The following TEAD4 variants were observed in gnomAD, a reference collection of about 807,000 sequenced individuals.
TEAD4 encodes TEA domain transcription factor 4.
Under a neutral mutation model 52.4 loss-of-function variants are expected in TEAD4, and 36 were observed. The ratio of observed to expected loss-of-function variants is 0.69; its 90% confidence interval spans 0.53 to 0.91. TEAD4 has a LOEUF of 0.91. TEAD4 is among the 40% of genes least tolerant of loss of function. The pLI is 0.00. For missense variants in TEAD4, 508 were observed against 583.9 expected, an observed-to-expected ratio of 0.87 and a Z score of 1.34; for synonymous variants, 220 against 231.0, an observed-to-expected ratio of 0.95 and a Z score of 0.43.
At chr12:2,965,168 A>C (rs1032409567) in intron 2 of TEAD4, among the ~76,000 whole-genome samples, 6 of 151,894 alleles carry the variant, frequency 4.0e-5, no homozygotes, top group African/African-American at 1.5e-4. Context: ...TTTTTTAATG[A>C]TTTTTTATTT....
At chr12:3,035,897 A>G (rs117022923) in intron 10 of TEAD4, among the ~76,000 whole-genome samples, 12 of 151,688 alleles carry the variant, frequency 7.9e-5, no homozygotes, top group East Asian at 5.8e-4. Context: ...TTCACCTTAT[A>G]TTTGCCTGTA....
At position 3,021,895 on chromosome 12, in the gene TEAD4, G is replaced by A. The variant is rs1225713927; in HGVS notation, c.775G>A (p.Asp259Asn). The A allele has an allele frequency of 4.3e-6, 7 of 1,614,208 alleles. No individual in the cohort carries two copies. Among genetic ancestry groups the A allele is most frequent in the Admixed American group, 1.7e-5 (1 of 60,026 alleles). Reference sequence around the variant, plus strand: ...TGGCCAGTCCAGCCCAAGCTACAGCGACCCCTACCTCGAAGCCGTGGACAT... The same window carrying A: ...TGGCCAGTCCAGCCCAAGCTACAGCAACCCCTACCTCGAAGCCGTGGACAT... The change falls in exon 10 of 13, where the codon GAC (aspartate) becomes AAC (asparagine). Residue 259 changes from aspartate (D) to asparagine (N), a missense_variant. Physicochemically the swap from Asp to Asn is conservative, Grantham distance 23. Transcript: ENST00000359864.
At chr12:2,962,327 A>AAATATATATATAAATATATAAATATAT (rs1565518203) in intron 2 of TEAD4, among the ~76,000 whole-genome samples, 127 of 112,666 alleles carry the variant, frequency 1.1e-3, no homozygotes, top group African/African-American at 4.9e-3. Flanking sequence ...TATATATATA[A>AAATATATATATAAATATATAAATATAT]ATATAAATAT....
At chr12:2,964,494 G>T (rs1050602987) in intron 2 of TEAD4, among the ~76,000 whole-genome samples, 1 of 144,132 alleles carries the variant, frequency 6.9e-6, no homozygotes, top group Non-Finnish European at 1.5e-5. Context: ...TTTTGCTTTT[G>T]TTGCCCAGGC....
chr12:3,009,730 C>T (rs1333749554), intron 3 of TEAD4, among the ~76,000 whole-genome samples: 1 of 152,238 alleles, frequency 6.6e-6, no homozygotes, highest in Non-Finnish European at 1.5e-5. Flanking sequence ...GTTTCAGGTG[C>T]AGATCAGACC....
chr12:3,033,126 G>A (rs1434045861), intron 10 of TEAD4, among the ~76,000 whole-genome samples: 2 of 152,198 alleles, frequency 1.3e-5, no homozygotes, highest in Non-Finnish European at 2.9e-5. Context: ...GTGTGCTGGA[G>A]AGGCAATCAG....
chr12:3,019,649 A>T (rs1359822634), intron 8 of TEAD4, among the ~76,000 whole-genome samples: 1 of 152,110 alleles, frequency 6.6e-6, no homozygotes, highest in African/African-American at 2.4e-5. Context: ...TCTCACTGAC[A>T]GGCTCTGCTC....
intron 2 of TEAD4, among the ~76,000 whole-genome samples, chr12:2,990,487 T>TTTTTTTTTG: frequency 6.9e-6 from 1 of 145,348 alleles, no homozygotes; most frequent in African/African-American, 2.6e-5. Flanking sequence ...TTTTTTTTTT[T>TTTTTTTTTG]TGAGATGGAG....
At chr12:3,021,752 C>T (rs908392968) in intron 9 of TEAD4, 92 bp from the exon 10 acceptor site, 58 of 1,406,824 alleles carry the variant, frequency 4.1e-5, no homozygotes, top group Non-Finnish European at 1.2e-5. Flanking sequence ...AAGCGGCTTG[C>T]ACCAGGTCAC....
intron 2 of TEAD4, among the ~76,000 whole-genome samples, chr12:2,982,375 C>A (rs1445311937): frequency 6.6e-6 from 1 of 152,164 alleles, no homozygotes; most frequent in Non-Finnish European, 1.5e-5. Flanking sequence ...AGTAGAGGCT[C>A]CTGGGCTGGG....
chr12:3,002,081 G>GGATGC (rs2098252175), intron 3 of TEAD4, among the ~76,000 whole-genome samples: 1 of 152,162 alleles, frequency 6.6e-6, no homozygotes, highest in Non-Finnish European at 1.5e-5. Context: ...GACAGAGTGA[G>GGATGC]ACTCCATCTC....
At chr12:2,993,539 T>C (rs12425375) in intron 2 of TEAD4, among the ~76,000 whole-genome samples, 16,484 of 151,944 alleles carry the variant, frequency 0.11, 1,938 homozygotes, top group African/African-American at 0.26. Flanking sequence ...GGCGCAATCA[T>C]GGCTAACTGC....
chr12:2,964,663 G>C (rs1433193086), intron 2 of TEAD4, among the ~76,000 whole-genome samples: 3 of 150,546 alleles, frequency 2.0e-5, no homozygotes, highest in Non-Finnish European at 4.4e-5. Flanking sequence ...ACAGAGACAG[G>C]GTATTTCCAT....
chr12:3,024,761 T>C (rs1456580525), intron 10 of TEAD4, among the ~76,000 whole-genome samples: 4 of 152,204 alleles, frequency 2.6e-5, no homozygotes, highest in Admixed American at 1.3e-4. Context: ...AATAAATGGC[T>C]CTTGCATATT....
Position 3,020,643 on chromosome 12 carries a change from C to G in TEAD4, c.593C>G (p.Ser198Cys). 6.3e-7 allele frequency: 1 copy of G among 1,577,638 alleles called. No individual in the cohort carries two copies. Among genetic ancestry groups the G allele is most frequent in the Non-Finnish European group, 8.6e-7 (1 of 1,160,376 alleles). The change falls in exon 9 of 13, where the codon TCT becomes TGT. Residue 198 changes from serine (S) to cysteine (C), a missense_variant. Transcript: ENST00000359864. ...TTCTCACTTTGTGCAGGGTTTGAGT[C>G]TCCTGCAGGGCCCGCCCCATCGCCC...
chr12:2,980,777 A>G (rs148633783), intron 2 of TEAD4, among the ~76,000 whole-genome samples: 165 of 150,844 alleles, frequency 1.1e-3, no homozygotes, highest in African/African-American at 3.9e-3. Context: ...AAGAAGCATC[A>G]TGGCCAGGCG....
At chr12:2,974,924 G>A (rs551769425) in intron 2 of TEAD4, among the ~76,000 whole-genome samples, 14 of 152,208 alleles carry the variant, frequency 9.2e-5, no homozygotes, top group South Asian at 4.2e-4. Context: ...AGTCACTCCC[G>A]GGCTAAATCT....
At chr12:3,022,517 G>GGGCGAGGCCACCCCAC (rs1394693451) in intron 10 of TEAD4, among the ~76,000 whole-genome samples, 2 of 152,186 alleles carry the variant, frequency 1.3e-5, no homozygotes, top group African/African-American at 4.8e-5. Context: ...CTCTGCCCCA[G>GGGCGAGGCCACCCCAC]GGCGAGGCCA....
intron 10 of TEAD4, among the ~76,000 whole-genome samples, chr12:3,037,418 G>A (rs190391736): frequency 6.6e-5 from 10 of 152,268 alleles, no homozygotes; most frequent in African/African-American, 1.4e-4. Context: ...CCCCAGAGCC[G>A]TTTCTGAGGG....
Sources: gnomAD v4.1 joint callset for allele counts (sites outside exome capture counted in the v4.1 genomes callset) on GRCh38, gnomAD v4.1.1 for gene constraint, MANE v1.5 for transcripts, NCBI Gene and HGNC (gene_info 2026-07-23, HGNC 2026-07-21) for gene names.